POLN: variants seen among roughly 807,000 people sequenced by gnomAD.
The protein encoded by POLN is DNA polymerase nu.
POLN carries 108 observed loss-of-function variants against 113.5 expected under a neutral mutation model. The ratio of observed to expected loss-of-function variants is 0.95; its 90% CI spans 0.81 to 1.12. The LOEUF (loss-of-function observed/expected upper bound fraction) is 1.12, where lower values mean the gene tolerates loss of function less well. Ranked by LOEUF, POLN falls within the 50% of genes most tolerant of loss-of-function variation. The probability of loss-of-function intolerance (pLI) is 0.00; values close to 1 mark genes in which losing one functional copy is unlikely to be tolerated. For missense variants in POLN, 1,097 were observed against 1,077.1 expected (o/e 1.02, Z -0.26); for synonymous variants, 386 against 391.5 (o/e 0.99, Z 0.17).
chr4:2,174,726 C>T lies in POLN; in HGVS notation c.1274G>A (p.Arg425His), dbSNP rs773856265. ...TGGTATCAGAGGAAGCTCCAAAGTA[C>T]GAAATAGTTGCCATAAACCATAATC... Reference protein sequence around the residue: ...LKDYGLWQLFRTLELPLIPIL... With the variant: ...LKDYGLWQLFHTLELPLIPIL... Residue 425 changes from arginine to histidine, a missense_variant, in exon 10 of 26, where the codon CGT (arginine) becomes CAT (histidine). Arg to His is a conservative substitution (Grantham distance 29, BLOSUM62 0). Transcript: ENST00000511885. 5.5e-5 allele frequency: 88 copies of T among 1,609,112 alleles called. No individual in the cohort carries two copies. Among genetic ancestry groups the T allele is most frequent in the Non-Finnish European group, 6.7e-5 (79 of 1,176,094 alleles).
At chr4:2,075,216 C>T (rs765279530) in intron 24 of POLN, among the ~76,000 whole-genome samples, 2 of 152,242 alleles carry the variant, frequency 1.3e-5, no homozygotes, top group Non-Finnish European at 2.9e-5. Flanking sequence ...GAATACCTGG[C>T]GCTCTCTGAG....
intron 3 of POLN, among the ~76,000 whole-genome samples, chr4:2,226,655 T>G (rs1734402056): frequency 1.3e-5 from 2 of 152,180 alleles, no homozygotes; most frequent in South Asian, 4.1e-4. Flanking sequence ...TTGAGTCACC[T>G]CAGTCAGTCT....
rs1368292230 is a variant in POLN, at chr4:2,128,315, T to G, written c.1868-88A>C. On this transcript the variant is annotated intron_variant, in intron 18 of 25. Transcript: ENST00000511885. ...CACCCCGGCCACCCTCAGACTCTCC[T>G]GACTCTGTAGCCTCAAGGTCCATGT... 3 of 761,070 alleles carry G rather than the reference T, an allele frequency of 3.9e-6. No individual in the cohort carries two copies. In the African/African-American group the frequency reaches 5.2e-5, roughly 13 times the overall value. The allele number at this position is 761,070 out of a possible 1,614,324, so 47.1% of individuals were successfully genotyped here.
At chr4:2,077,502 G>C (rs1266565747) in intron 23 of POLN, among the ~76,000 whole-genome samples, 1 of 152,212 alleles carries the variant, frequency 6.6e-6, no homozygotes, top group African/African-American at 2.4e-5. Context: ...AGGGGCCGTG[G>C]GCACTGCCCT....
chr4:2,241,454 G>A, intron 2 of POLN, 66 bp downstream of exon 2: 1 of 975,120 alleles, frequency 1.0e-6, no homozygotes, highest in Non-Finnish European at 1.2e-6. Context: ...TCTCTTCCCT[G>A]CCCTCCGTAC....
At chr4:2,176,415 G>C in intron 8 of POLN, 81 bp from the exon 9 acceptor site, 3 of 1,118,926 alleles carry the variant, frequency 2.7e-6, no homozygotes, top group Non-Finnish European at 3.9e-6. Flanking sequence ...GACATGACTT[G>C]AAAAATGTTT....
intron 7 of POLN, among the ~76,000 whole-genome samples, chr4:2,187,708 A>C (rs984075751): frequency 9.5e-5 from 14 of 147,812 alleles, no homozygotes; most frequent in Admixed American, 9.4e-4. Flanking sequence ...AAAGGACCCC[A>C]AAAACAGCAA....
At chr4:2,216,702 G>A (rs892317131) in intron 3 of POLN, among the ~76,000 whole-genome samples, 1 of 152,250 alleles carries the variant, frequency 6.6e-6, no homozygotes, top group Admixed American at 6.5e-5. Flanking sequence ...ACCCATGCCT[G>A]TAACGTGTGT....
intron 7 of POLN, among the ~76,000 whole-genome samples, chr4:2,188,455 G>C (rs1270814976): frequency 6.6e-6 from 1 of 152,052 alleles, no homozygotes. Flanking sequence ...AAAAAAATTA[G>C]CCGGGCCTGG....
chr4:2,194,645 T>C (rs1016124173), intron 6 of POLN, among the ~76,000 whole-genome samples: 1 of 152,188 alleles, frequency 6.6e-6, no homozygotes, highest in Non-Finnish European at 1.5e-5. Flanking sequence ...TGAGGTAATC[T>C]ACCAACTACA....
At chr4:2,209,815 C>T (rs914888605) in intron 4 of POLN, among the ~76,000 whole-genome samples, 1 of 151,008 alleles carries the variant, frequency 6.6e-6, no homozygotes, top group Non-Finnish European at 1.5e-5. Context: ...GGGTTCACCA[C>T]CATATCCAGC....
Position 2,198,555 on chromosome 4 carries a change from G to A in POLN, c.877C>T (p.Gln293Ter). Residue 293 changes from glutamine to a stop codon, truncating the protein, a stop_gained, in exon 6 of 26, where the codon CAA becomes TAA. Transcript: ENST00000511885. LOFTEE classifies it high-confidence loss of function. ...AATTGTTGATGTGCCTCCTGTTCTT[G>A]GTCCCAGATAGCAGAGTGCTCTATT... ...IQIEHSAIWDQEQEAHQQFAR... is the reference protein window; with the variant it reads ...IQIEHSAIWD 1 of 1,611,684 alleles carries A rather than the reference G, an allele frequency of 6.2e-7. No individual in the cohort carries two copies.
intron 13 of POLN, among the ~76,000 whole-genome samples, chr4:2,160,396 C>T (rs1732550737): frequency 6.6e-6 from 1 of 151,904 alleles, no homozygotes; most frequent in Non-Finnish European, 1.5e-5. Context: ...CCTTCTGTGG[C>T]TAGCTTTTTT....
chr4:2,216,546 G>A (rs888029914), intron 3 of POLN, among the ~76,000 whole-genome samples: 6 of 152,210 alleles, frequency 3.9e-5, no homozygotes, highest in Non-Finnish European at 1.5e-5. Context: ...CAGCTTCTTG[G>A]TGTGTGGCTG....
chr4:2,102,000 G>T (rs964048642), intron 19 of POLN, among the ~76,000 whole-genome samples: 4 of 152,088 alleles, frequency 2.6e-5, no homozygotes, highest in African/African-American at 9.7e-5. Flanking sequence ...GGATTGGACT[G>T]GGGTGTGAGA....
rs201739481 is a variant in POLN at position 2,237,914 on chromosome 4, AATTCC to A, written c.-13+3601_-13+3605del. Among the ~76,000 whole-genome samples the A allele has an allele frequency of 2.8e-3, 429 of 152,308 alleles. 2 individuals carry two copies. The highest frequency in any genetic ancestry group is 9.5e-3 in the African/African-American group (397 of 41,574). On this transcript the variant is annotated intron_variant, in intron 2 of 25. Coordinates refer to ENST00000511885, the MANE Select transcript of POLN (RefSeq NM_181808.4). ...ATTAGTCTTATAGATGTAACTACAC[AATTCC>A]AGGGGTATCATTCACATAGATCATA...
At chr4:2,163,006 A>C (rs1732636419) in intron 13 of POLN, among the ~76,000 whole-genome samples, 1 of 145,878 alleles carries the variant, frequency 6.9e-6, no homozygotes, top group Non-Finnish European at 1.5e-5. Flanking sequence ...GAAATCTGAG[A>C]ATCAATTTTT....
intron 20 of POLN, among the ~76,000 whole-genome samples, chr4:2,092,665 C>T (rs35761199): frequency 4.6e-5 from 7 of 152,336 alleles, no homozygotes; most frequent in Admixed American, 3.3e-4. Flanking sequence ...GTCATGTCAC[C>T]GATTTCTCAA....
chr4:2,118,844 C>T (rs1731376665), intron 19 of POLN, among the ~76,000 whole-genome samples: 1 of 152,228 alleles, frequency 6.6e-6, no homozygotes, highest in Non-Finnish European at 1.5e-5. Flanking sequence ...CCACCATTTA[C>T]AATGCAAGAT....
Sources: gnomAD v4.1 joint callset for allele counts (sites outside exome capture counted in the v4.1 genomes callset) on GRCh38, gnomAD v4.1.1 for gene constraint, MANE v1.5 for transcripts, NCBI Gene and HGNC (gene_info 2026-07-23, HGNC 2026-07-21) for gene names.